Variants in MAGI2 observed in about 807,000 individuals in gnomAD.
MAGI2 encodes the protein membrane-associated guanylate kinase, WW and PDZ domain-containing protein 2.
A neutral mutation model predicts 133.3 loss-of-function variants in MAGI2; 35 were observed. The ratio of observed to expected loss-of-function variants is 0.26; its 90% confidence interval spans 0.20 to 0.35. The LOEUF (loss-of-function observed/expected upper bound fraction) is 0.35, where lower values mean the gene tolerates loss of function less well. Ranked by LOEUF, MAGI2 falls within the 10% of genes least tolerant of loss-of-function variation. The pLI is 1.00. For missense variants in MAGI2, 1,636 were observed against 1,863.4 expected, an observed-to-expected ratio of 0.88 and a Z score of 2.25; for synonymous variants, 729 against 710.6, an observed-to-expected ratio of 1.03 and a Z score of -0.41.
intron 2 of MAGI2, among the ~76,000 whole-genome samples, chr7:78,997,193 C>T (rs994810607): frequency 3.9e-5 from 6 of 151,990 alleles, no homozygotes; most frequent in Non-Finnish European, 4.4e-5. Flanking sequence ...AGATATTTGC[C>T]GATTTTGCAT....
rs564678510 is a variant in MAGI2, at chr7:79,288,505, C to A, written c.301+164515G>T. Among the ~76,000 whole-genome samples, 23 of 152,230 alleles carry A rather than the reference C, an allele frequency of 1.5e-4. No homozygotes were observed. In the South Asian group the frequency reaches 4.8e-3, roughly 32 times the overall value. ...AATGCATTTAATTTTAAGCTGTTTA[C>A]ATTTTTTGGTACAGTAAATAACCAT... On this transcript the variant is annotated intron_variant, in intron 1 of 21. Transcript: ENST00000354212.
chr7:78,337,467 C>G (rs556145433), intron 9 of MAGI2, among the ~76,000 whole-genome samples: 1 of 152,172 alleles, frequency 6.6e-6, no homozygotes, highest in Non-Finnish European at 1.5e-5. Context: ...GACCCTGGTT[C>G]AAACTTTTTG....
intron 6 of MAGI2, among the ~76,000 whole-genome samples, chr7:78,379,104 A>G (rs1423185434): frequency 2.0e-5 from 3 of 151,988 alleles, no homozygotes; most frequent in Non-Finnish European, 4.4e-5. Context: ...CAAACATTAG[A>G]ACACAAATAA....
chr7:78,798,640 T>G (rs1237916379), intron 2 of MAGI2, among the ~76,000 whole-genome samples: 3 of 152,144 alleles, frequency 2.0e-5, no homozygotes, highest in African/African-American at 7.2e-5. Flanking sequence ...GAATACTGAA[T>G]GAGAGGCCAC....
At chr7:78,693,227 T>C (rs1230224682) in intron 2 of MAGI2, among the ~76,000 whole-genome samples, 2 of 152,202 alleles carry the variant, frequency 1.3e-5, no homozygotes, top group Non-Finnish European at 2.9e-5. Flanking sequence ...AAAATGCCTG[T>C]CACATAGTGC....
At chr7:78,485,613 T>C (rs1280796673) in intron 6 of MAGI2, 2 of 152,046 alleles carry the variant, frequency 1.3e-5, no homozygotes, top group African/African-American at 2.4e-5. Context: ...CTTTCACTTG[T>C]ATTCCTCTTA....
intron 9 of MAGI2, among the ~76,000 whole-genome samples, chr7:78,327,711 G>A (rs1190385496): frequency 6.6e-6 from 1 of 152,180 alleles, no homozygotes; most frequent in East Asian, 1.9e-4. Context: ...CTGAATAAAT[G>A]AATGAGCAAG....
chr7:78,182,866 A>G (rs1225960464), intron 13 of MAGI2, among the ~76,000 whole-genome samples: 4 of 152,202 alleles, frequency 2.6e-5, no homozygotes, highest in African/African-American at 9.6e-5. Flanking sequence ...TCCTGGCCAT[A>G]GATTCCATTG....
At chr7:79,379,983 C>T (rs848940) in intron 1 of MAGI2, among the ~76,000 whole-genome samples, 75,796 of 150,940 alleles carry the variant, frequency 0.5, 20,510 homozygotes, top group African/African-American at 0.71. Flanking sequence ...TTACATCTTA[C>T]ACAAAAATTA....
intron 1 of MAGI2, among the ~76,000 whole-genome samples, chr7:79,423,181 A>C (rs1399757958): frequency 6.6e-6 from 1 of 151,818 alleles, no homozygotes; most frequent in Admixed American, 6.6e-5. Flanking sequence ...CTTTTTAGTC[A>C]GTCTCTTTAG....
At chr7:78,534,982 A>G (rs1797760706) in intron 3 of MAGI2, among the ~76,000 whole-genome samples, 1 of 151,968 alleles carries the variant, frequency 6.6e-6, no homozygotes, top group African/African-American at 2.4e-5. Flanking sequence ...AAAATACAAA[A>G]ATTAGCTGGG....
Position 78,125,842 on chromosome 7 carries a change from G to C in MAGI2, c.3424-5C>G. ...CACAGTGAAATAATCAAAATCCTTT[G>C]GGGTTGGGGAGAAAATGGAATAAAT... On this transcript the variant is annotated splice_polypyrimidine_tract_variant and splice_region_variant and intron_variant, in intron 19 of 21. Coordinates refer to ENST00000354212, the MANE Select transcript of MAGI2 (RefSeq NM_012301.4). 1 of 1,613,634 alleles carries C rather than the reference G, an allele frequency of 6.2e-7. No homozygotes were observed. The highest frequency in any genetic ancestry group is 8.5e-7 in the Non-Finnish European group (1 of 1,179,796).
chr7:78,295,387 G>A (rs1418289539), intron 9 of MAGI2, among the ~76,000 whole-genome samples: 1 of 152,166 alleles, frequency 6.6e-6, no homozygotes, highest in East Asian at 1.9e-4. Context: ...AGAATAAACT[G>A]TAAATTTGTG....
chr7:78,312,651 T>C (rs940869761), intron 9 of MAGI2, among the ~76,000 whole-genome samples: 8 of 152,112 alleles, frequency 5.3e-5, no homozygotes, highest in Admixed American at 3.9e-4. Context: ...CAAATGTTGG[T>C]GAAGACATGG....
intron 4 of MAGI2, among the ~76,000 whole-genome samples, chr7:78,510,205 C>T (rs189478241): frequency 1.3e-3 from 193 of 152,290 alleles, no homozygotes; most frequent in South Asian, 5.8e-3. Context: ...AGCAGTAGAA[C>T]GTAATAGTTA....
At chr7:78,031,083 G>A (rs145071953) in intron 21 of MAGI2, among the ~76,000 whole-genome samples, 25 of 152,294 alleles carry the variant, frequency 1.6e-4, no homozygotes, top group Non-Finnish European at 3.5e-4. Context: ...TTTCAGCTGA[G>A]GTATGCTTAG....
At chr7:79,198,840 A>T (rs1828332500) in intron 1 of MAGI2, among the ~76,000 whole-genome samples, 1 of 152,008 alleles carries the variant, frequency 6.6e-6, no homozygotes, top group Admixed American at 6.6e-5. Flanking sequence ...GTGAACAGAG[A>T]TCGTGCCACT....
At position 78,046,695 on chromosome 7, in the gene MAGI2, TA is replaced by T. The variant is rs777586761; in HGVS notation, c.3707-26720del. On this transcript the variant is annotated intron_variant, in intron 21 of 21. Coordinates refer to ENST00000354212, the MANE Select transcript of MAGI2 (RefSeq NM_012301.4). ...TCTACCAAGCAACTCATGATAGCTC[TA>T]AAAAAAAACCCAGCGTTAGTTATGG... 7.9e-5 allele frequency among the ~76,000 whole-genome samples: 12 copies of T among 151,398 alleles called. No homozygotes were observed. In the South Asian group the frequency reaches 2.3e-3, roughly 29 times the overall value.
At chr7:78,671,897 G>A (rs1274396352) in intron 2 of MAGI2, among the ~76,000 whole-genome samples, 1 of 152,160 alleles carries the variant, frequency 6.6e-6, no homozygotes. Flanking sequence ...TCTATGTGAT[G>A]ACATTAATTG....
Sources: allele counts gnomAD v4.1 joint callset (sites outside exome capture counted in the v4.1 genomes callset), GRCh38; gene constraint gnomAD v4.1.1; transcripts MANE v1.5; gene names NCBI Gene and HGNC (gene_info 2026-07-23, HGNC 2026-07-21).